Variants in EYS observed in about 807,000 individuals in gnomAD.
EYS encodes EGF-like photoreceptor maintenance factor, also known as protein eyes shut homolog.
Under a neutral mutation model 282.1 loss-of-function variants are expected in EYS, and 250 were observed. The observed-to-expected ratio is 0.89, with a 90% CI of 0.80 to 0.98. EYS has a LOEUF of 0.98. EYS is among the 50% of genes least tolerant of loss of function. The pLI is 0.00. For missense variants in EYS, 4,016 were observed against 3,709.0 expected, an observed-to-expected ratio of 1.08 and a Z score of -2.15; for synonymous variants, 1,355 against 1,282.9, an observed-to-expected ratio of 1.06 and a Z score of -1.20.
intron 22 of EYS, among the ~76,000 whole-genome samples, chr6:64,752,777 A>G (rs1772803035): frequency 6.6e-6 from 1 of 152,178 alleles, no homozygotes; most frequent in African/African-American, 2.4e-5. Flanking sequence ...AATCACCTCT[A>G]AAGGACATCT....
chr6:64,714,805 C>T (rs1429150805), intron 22 of EYS, among the ~76,000 whole-genome samples: 4 of 152,038 alleles, frequency 2.6e-5, no homozygotes, highest in Non-Finnish European at 4.4e-5. Flanking sequence ...GGATTACAGG[C>T]GTGAGCCACC....
intron 26 of EYS, among the ~76,000 whole-genome samples, chr6:64,479,112 A>G (rs1387293306): frequency 6.6e-6 from 1 of 151,970 alleles, no homozygotes; most frequent in East Asian, 1.9e-4. Flanking sequence ...ATGAAAGTTA[A>G]TCTTTAGGTA....
intron 31 of EYS, among the ~76,000 whole-genome samples, chr6:64,127,958 A>G (rs6905214): frequency 0.019 from 2,937 of 152,234 alleles, 81 homozygotes; most frequent in African/African-American, 0.066. Flanking sequence ...ATTAAATATA[A>G]CACCAGAAAT....
At chr6:64,231,562 C>T (rs1021822332) in intron 30 of EYS, among the ~76,000 whole-genome samples, 5 of 152,018 alleles carry the variant, frequency 3.3e-5, no homozygotes, top group African/African-American at 9.7e-5. Context: ...ACTTTTTATG[C>T]CTTGTTATTC....
chr6:65,694,793 T>C lies in EYS; in HGVS notation c.-448+12342A>G, dbSNP rs191603035. Among the ~76,000 whole-genome samples, 248 of 137,564 alleles carry C rather than the reference T, an allele frequency of 1.8e-3. 11 individuals carry two copies. Among genetic ancestry groups the C allele is most frequent in the Middle Eastern group, 0.011 (3 of 272 alleles). 90.2% of individuals were successfully genotyped at this position (137,564 alleles called of 152,430 possible). A position where few individuals can be genotyped will look rare whatever the true frequency, so the allele number is the denominator to read the frequency against. On this transcript the variant is annotated intron_variant, in intron 1 of 42. Coordinates refer to ENST00000503581, the MANE Select transcript of EYS (RefSeq NM_001142800.2). ...ACCCTTAGCCATTTATATTTGTCCA[T>C]AGTTTGCTCTGCTATGTTAGATTGG...
At chr6:64,655,398 C>G (rs1266979065) in intron 22 of EYS, among the ~76,000 whole-genome samples, 3 of 151,732 alleles carry the variant, frequency 2.0e-5, no homozygotes, top group African/African-American at 7.3e-5. Flanking sequence ...ATCTTTGATG[C>G]CTACAAAGTG....
At chr6:65,272,072 C>T (rs552944005) in intron 12 of EYS, among the ~76,000 whole-genome samples, 10 of 152,298 alleles carry the variant, frequency 6.6e-5, no homozygotes, top group Non-Finnish European at 1.2e-4. Flanking sequence ...TTCCTGAGCT[C>T]ATCCTTTTCT....
At chr6:65,382,549 G>A (rs1157558707) in intron 8 of EYS, among the ~76,000 whole-genome samples, 1 of 148,780 alleles carries the variant, frequency 6.7e-6, no homozygotes, top group Non-Finnish European at 1.5e-5. Context: ...AGGTTCTCTA[G>A]GGGGACAGAA....
intron 2 of EYS, among the ~76,000 whole-genome samples, chr6:65,506,445 A>ATCCT (rs1766656648): frequency 8.3e-6 from 1 of 121,166 alleles, no homozygotes; most frequent in Non-Finnish European, 1.8e-5. Context: ...GGTTTACAAT[A>ATCCT]TCCTTCCTTC....
chr6:63,836,597 A>G (rs552688484), intron 36 of EYS, among the ~76,000 whole-genome samples: 1 of 152,112 alleles, frequency 6.6e-6, no homozygotes, highest in African/African-American at 2.4e-5. Context: ...GAAAATATCA[A>G]ATATATCTAT....
At chr6:65,508,120 G>A (rs2127284286) in intron 2 of EYS, among the ~76,000 whole-genome samples, 1 of 152,218 alleles carries the variant, frequency 6.6e-6, no homozygotes, top group East Asian at 1.9e-4. Context: ...GTACCTAAAG[G>A]TGCCTAAGAC....
chr6:64,034,076 G>A (rs548873991), intron 33 of EYS, among the ~76,000 whole-genome samples: 1 of 152,294 alleles, frequency 6.6e-6, no homozygotes, highest in East Asian at 1.9e-4. Context: ...TATTGGTCAT[G>A]CCTGTATTGG....
chr6:63,732,048 C>T (rs901929120), intron 41 of EYS, among the ~76,000 whole-genome samples: 2 of 151,742 alleles, frequency 1.3e-5, no homozygotes. Context: ...GGGAGGAGCT[C>T]GAATTGTATT....
chr6:64,395,036 C>A (rs942139970), intron 28 of EYS, among the ~76,000 whole-genome samples: 32 of 152,194 alleles, frequency 2.1e-4, no homozygotes, highest in African/African-American at 7.0e-4. Context: ...AAAAAATGCT[C>A]ATCATCACTG....
chr6:65,624,516 G>A (rs1306467130), intron 2 of EYS, among the ~76,000 whole-genome samples: 1 of 152,170 alleles, frequency 6.6e-6, no homozygotes, highest in East Asian at 1.9e-4. Context: ...ATCGAAGGAT[G>A]CAAAGTATTG....
At chr6:64,303,558 G>C (rs1769311907) in intron 30 of EYS, among the ~76,000 whole-genome samples, 1 of 152,116 alleles carries the variant, frequency 6.6e-6, no homozygotes, top group Non-Finnish European at 1.5e-5. Context: ...AAAGCCTTAG[G>C]ATAGCCGGGC....
chr6:64,768,781 C>A (rs1773431936), intron 22 of EYS, among the ~76,000 whole-genome samples: 1 of 152,140 alleles, frequency 6.6e-6, no homozygotes, highest in Non-Finnish European at 1.5e-5. Context: ...AAAGCCCTGA[C>A]TGCTAGATCA....
At chr6:64,259,169 G>C (rs569950031) in intron 30 of EYS, among the ~76,000 whole-genome samples, 1 of 152,100 alleles carries the variant, frequency 6.6e-6, no homozygotes, top group African/African-American at 2.4e-5. Flanking sequence ...ACTTACAAAA[G>C]CTGGGGTCTG....
At chr6:65,503,061 G>A (rs1766515357) in intron 2 of EYS, among the ~76,000 whole-genome samples, 1 of 151,498 alleles carries the variant, frequency 6.6e-6, no homozygotes, top group Non-Finnish European at 1.5e-5. Context: ...CCAAAGTGGT[G>A]GTACCATGAT....
Sources: gnomAD v4.1 joint callset for allele counts (sites outside exome capture counted in the v4.1 genomes callset) on GRCh38, gnomAD v4.1.1 for gene constraint, MANE v1.5 for transcripts, NCBI Gene and HGNC (gene_info 2026-07-23, HGNC 2026-07-21) for gene names.